KDM5B: variants seen among roughly 807,000 people sequenced by gnomAD.
KDM5B encodes the protein lysine demethylase 5B.
KDM5B carries 144 observed loss-of-function variants against 193.4 expected under a neutral mutation model. That is an observed-to-expected ratio of 0.74 (90% CI 0.65 to 0.86). KDM5B has a LOEUF of 0.86. Ranked by LOEUF, KDM5B falls within the 40% of genes least tolerant of loss-of-function variation. The pLI, the probability that KDM5B is intolerant of heterozygous loss-of-function variation, is 0.00. For synonymous variants in KDM5B, 668 were observed against 682.6 expected, an observed-to-expected ratio of 0.98 and a Z score of 0.33; for missense variants, 1,833 against 1,886.9, an observed-to-expected ratio of 0.97 and a Z score of 0.53.
chr1:202,742,225 A>C (rs1655372900), intron 18 of KDM5B, among the ~76,000 whole-genome samples, 166 bp downstream of exon 18: 2 of 152,188 alleles, frequency 1.3e-5, no homozygotes, highest in Admixed American at 1.3e-4. Context: ...CTGTGGATCT[A>C]CTATAATCTC....
chr1:202,735,466 T>C lies in KDM5B; in HGVS notation c.3386A>G (p.Glu1129Gly), dbSNP rs188337406. ...STKLESLSDLERALTESKETA... is the reference protein window; with the variant it reads ...STKLESLSDLGRALTESKETA... ...CTCCTTGCTTTCAGTTAAAGCTCTC[T>C]CCAGGTCACTCAGACTCTCTAATTT... is the stretch of plus-strand genomic sequence containing the variant. Residue 1129 changes from glutamate (E) to glycine (G), a missense_variant, in exon 22 of 27, where the codon GAG becomes GGG. Around this residue, in one of 3 missense-constraint regions of KDM5B, gnomAD observed 1,379 missense variants for 1,349.6 expected, o/e 1.02. Transcript: ENST00000367265. 1.9e-6 allele frequency: 3 copies of C among 1,614,154 alleles called. No homozygotes were observed. The highest frequency in any genetic ancestry group is 4.5e-5 in the East Asian group (2 of 44,868).
chr1:202,791,645 A>C (rs745623344), intron 1 of KDM5B, among the ~76,000 whole-genome samples: 86 of 152,156 alleles, frequency 5.7e-4, no homozygotes, highest in Non-Finnish European at 7.1e-4. Context: ...CACTCGGTAC[A>C]TAACTTCTAT....
At chr1:202,748,686 T>G (rs954744464) in intron 14 of KDM5B, among the ~76,000 whole-genome samples, 1 of 152,080 alleles carries the variant, frequency 6.6e-6, no homozygotes, top group Non-Finnish European at 1.5e-5. Context: ...CTGGGCAACA[T>G]AGTGAGACCC....
chr1:202,731,729 A>T (rs1017485000), intron 24 of KDM5B, 99 bp downstream of exon 24: 4 of 906,052 alleles, frequency 4.4e-6, no homozygotes, highest in Non-Finnish European at 7.2e-6. Flanking sequence ...ATTTCAGCAT[A>T]AAGTCCTTTT....
chr1:202,745,728 C>T (rs538788333), intron 16 of KDM5B, 130 bp downstream of exon 16: 68 of 978,216 alleles, frequency 7.0e-5, no homozygotes, highest in South Asian at 4.6e-4. Context: ...CTCTGTAAAC[C>T]GGGCTATGTA....
At chr1:202,774,579 T>G (rs767779385) in intron 3 of KDM5B, 34 bp downstream of exon 3, 2 of 1,580,144 alleles carry the variant, frequency 1.3e-6, no homozygotes, top group African/African-American at 2.7e-5. Flanking sequence ...TCAGTAAGAT[T>G]ATAAAATAAG....
At chr1:202,806,164 G>T (rs1245218886) in intron 1 of KDM5B, among the ~76,000 whole-genome samples, 1 of 152,036 alleles carries the variant, frequency 6.6e-6, no homozygotes, top group Non-Finnish European at 1.5e-5. Context: ...TCAGAAAAAG[G>T]GCCCTCTAAA....
rs779651616 is a variant in KDM5B at position 202,742,651 on chromosome 1, A to G, written c.2474+4T>C. 3 of 1,613,842 alleles carry G rather than the reference A, an allele frequency of 1.9e-6. No individual in the cohort carries two copies. Among genetic ancestry groups the G allele is most frequent in the African/African-American group, 2.7e-5 (2 of 74,936 alleles). On this transcript the variant is annotated splice_donor_region_variant and intron_variant, in intron 17 of 26. Coordinates refer to ENST00000367265, the MANE Select transcript of KDM5B (RefSeq NM_006618.5). ...TCCAAACTCACGCAGTCAGAAGCGC[A>G]TACCTAGTTTGCCTTTTGCCATTAA...
chr1:202,803,104 G>A (rs1658139591), intron 1 of KDM5B, among the ~76,000 whole-genome samples: 1 of 152,124 alleles, frequency 6.6e-6, no homozygotes, highest in African/African-American at 2.4e-5. Context: ...GAAGCTGCAG[G>A]GAGCCTTGAT....
At chr1:202,793,352 T>A (rs955764896) in intron 1 of KDM5B, among the ~76,000 whole-genome samples, 2 of 152,170 alleles carry the variant, frequency 1.3e-5, no homozygotes, top group Non-Finnish European at 2.9e-5. Context: ...GAAATCACAA[T>A]TGTATCATTA....
intron 14 of KDM5B, among the ~76,000 whole-genome samples, chr1:202,746,941 T>C (rs1456188422): frequency 6.6e-6 from 1 of 152,176 alleles, no homozygotes; most frequent in African/African-American, 2.4e-5. Flanking sequence ...AAATAAGGTC[T>C]TGAACCAGTA....
chr1:202,752,413 T>C (rs1005696861), intron 12 of KDM5B, among the ~76,000 whole-genome samples: 2 of 152,184 alleles, frequency 1.3e-5, no homozygotes, highest in Non-Finnish European at 1.5e-5. Context: ...ACAGCCTAGG[T>C]GTGTAGTTGG....
In KDM5B at chr1:202,733,418, C is replaced by G. The variant is rs766536259; in HGVS notation, c.3892G>C (p.Val1298Leu). 6.2e-7 allele frequency: 1 copy of G among 1,612,144 alleles called. No individual in the cohort carries two copies. The highest frequency in any genetic ancestry group is 8.5e-7 in the Non-Finnish European group (1 of 1,178,394). ...YSRWQASAGQ[V>L]SDTNKVSQPP... The stretch of plus-strand genomic sequence containing the variant: ...AGATTCACCTTGTTTGTGTCTGACA[C>G]CTGTCCTGCTGAGGCTTGCCATCTG... The change falls in exon 23 of 27, where the codon GTG becomes CTG. Residue 1298 changes from valine (V) to leucine (L), a missense_variant. Val to Leu is a conservative substitution (Grantham distance 32). This residue lies in a region of KDM5B where 1,379 missense variants were observed against 1,349.6 expected (regional missense o/e 1.02). Coordinates refer to ENST00000367265, the MANE Select transcript of KDM5B (RefSeq NM_006618.5).
At chr1:202,787,023 T>C (rs1298610915) in intron 1 of KDM5B, among the ~76,000 whole-genome samples, 1 of 152,182 alleles carries the variant, frequency 6.6e-6, no homozygotes, top group Non-Finnish European at 1.5e-5. Context: ...CCCTTTTTTT[T>C]CTTTTTCTTT....
intron 2 of KDM5B, among the ~76,000 whole-genome samples, 160 bp downstream of exon 2, chr1:202,776,857 A>C (rs548224919): frequency 6.6e-6 from 1 of 152,280 alleles, no homozygotes; most frequent in African/African-American, 2.4e-5. Flanking sequence ...CGATATTTTA[A>C]AGACCTGTTC....
chr1:202,777,698 T>C (rs74430862), intron 1 of KDM5B, among the ~76,000 whole-genome samples: 3,372 of 152,054 alleles, frequency 0.022, 69 homozygotes, highest in Non-Finnish European at 0.035. Context: ...TGTAGGTACA[T>C]GTATTGCCCA....
At chr1:202,786,559 C>T (rs1657422188) in intron 1 of KDM5B, among the ~76,000 whole-genome samples, 1 of 152,136 alleles carries the variant, frequency 6.6e-6, no homozygotes, top group African/African-American at 2.4e-5. Flanking sequence ...ACAGTTCTGC[C>T]ATTAAAGCAA....
intron 1 of KDM5B, among the ~76,000 whole-genome samples, chr1:202,806,243 G>A (rs992379507): frequency 2.0e-5 from 3 of 152,142 alleles, no homozygotes; most frequent in Admixed American, 1.3e-4. Flanking sequence ...CCAACATGGA[G>A]GACACCTCCC....
At position 202,792,890 on chromosome 1, in the gene KDM5B, C is replaced by T. The variant is rs966317311; in HGVS notation, c.204+15212G>A. Among the ~76,000 whole-genome samples, 132 of 151,472 alleles carry T rather than the reference C, an allele frequency of 8.7e-4. 1 individual carries two copies. The highest frequency in any genetic ancestry group is 2.4e-3 in the African/African-American group (100 of 41,296). ...TGGGTGCCTGTAATCCCAGCTGCTC[C>T]GGAGGCTGAGGCAGGAGAATCGCTT... is the stretch of plus-strand genomic sequence containing the variant. On this transcript the variant is annotated intron_variant, in intron 1 of 26. Coordinates refer to ENST00000367265, the MANE Select transcript of KDM5B (RefSeq NM_006618.5).
Sources: gnomAD v4.1 joint callset for allele counts (sites outside exome capture counted in the v4.1 genomes callset) on GRCh38, gnomAD v4.1.1 for gene constraint, gnomAD v4.1.1 regional missense constraint, MANE v1.5 for transcripts, NCBI Gene and HGNC (gene_info 2026-07-23, HGNC 2026-07-21) for gene names.